The following RNF150 variants were observed in gnomAD, a reference collection of about 807,000 sequenced individuals.
The protein encoded by RNF150 is ring finger protein 150.
A neutral mutation model predicts 39.3 loss-of-function variants in RNF150; 24 were observed. The ratio of observed to expected loss-of-function variants is 0.61; its 90% CI spans 0.44 to 0.86. The LOEUF is 0.86. RNF150 is among the 40% of genes least tolerant of loss of function. The pLI is 0.00. For missense variants in RNF150, 502 were observed against 587.8 expected (o/e 0.85, Z 1.51); for synonymous variants, 255 against 227.3 (o/e 1.12, Z -1.10).
chr4:141,106,475 T>G (rs1199961407), intron 1 of RNF150, among the ~76,000 whole-genome samples: 1 of 152,148 alleles, frequency 6.6e-6, no homozygotes, highest in Non-Finnish European at 1.5e-5. Context: ...AACTTCAATT[T>G]CTTCATGTGT....
intron 6 of RNF150, among the ~76,000 whole-genome samples, chr4:140,890,214 C>T (rs1368272325): frequency 6.6e-6 from 1 of 152,090 alleles, no homozygotes; most frequent in Non-Finnish European, 1.5e-5. Context: ...AGAAAGCTTG[C>T]TATTTGTGTT....
chr4:140,899,258 T>C (rs1730082582), intron 6 of RNF150, among the ~76,000 whole-genome samples: 1 of 152,210 alleles, frequency 6.6e-6, no homozygotes, highest in Non-Finnish European at 1.5e-5. Flanking sequence ...AGTGTCACCA[T>C]AAGGAAATGT....
chr4:141,023,000 T>C (rs1471426139), intron 1 of RNF150, among the ~76,000 whole-genome samples: 2 of 152,170 alleles, frequency 1.3e-5, no homozygotes, highest in Admixed American at 1.3e-4. Flanking sequence ...CCTTAGTAGA[T>C]AAAGAATGAG....
intron 1 of RNF150, among the ~76,000 whole-genome samples, chr4:141,122,680 C>T (rs1026318481): frequency 1.3e-5 from 2 of 151,984 alleles, no homozygotes; most frequent in African/African-American, 4.8e-5. Flanking sequence ...CTTGGAAGAA[C>T]CAAGGAAATT....
chr4:141,055,768 G>T (rs1736942023), intron 1 of RNF150, among the ~76,000 whole-genome samples: 1 of 151,968 alleles, frequency 6.6e-6, no homozygotes, highest in Non-Finnish European at 1.5e-5. Context: ...AGAAAGGAAG[G>T]GAGGCAATAT....
intron 1 of RNF150, among the ~76,000 whole-genome samples, chr4:141,027,665 C>T (rs1735752206): frequency 1.3e-5 from 2 of 152,142 alleles, no homozygotes; most frequent in African/African-American, 4.8e-5. Flanking sequence ...CCTCTCTTTT[C>T]CTGTCTTCCA....
chr4:141,039,896 T>C (rs537545774), intron 1 of RNF150, among the ~76,000 whole-genome samples: 1 of 152,188 alleles, frequency 6.6e-6, no homozygotes, highest in East Asian at 1.9e-4. Flanking sequence ...CTACATGTAA[T>C]ATAGGAAGAA....
chr4:141,167,131 G>A (rs930624593), intron 1 of RNF150, among the ~76,000 whole-genome samples: 2 of 152,064 alleles, frequency 1.3e-5, no homozygotes, highest in African/African-American at 2.4e-5. Context: ...AAAATCAAAA[G>A]CATTCATATA....
At chr4:141,051,930 G>A (rs943125132) in intron 1 of RNF150, among the ~76,000 whole-genome samples, 8 of 152,126 alleles carry the variant, frequency 5.3e-5, no homozygotes, top group Admixed American at 2.0e-4. Context: ...AGGCTGGGAA[G>A]AAAAAGAGGT....
chr4:140,911,395 C>A (rs781475832), intron 5 of RNF150, 41 bp from the exon 6 acceptor site: 2 of 1,541,470 alleles, frequency 1.3e-6, no homozygotes, highest in Admixed American at 3.4e-5. Context: ...TACATGTCAT[C>A]CACTTAGAGA....
intron 1 of RNF150, among the ~76,000 whole-genome samples, chr4:141,129,240 A>G (rs1445154720): frequency 6.6e-6 from 1 of 152,262 alleles, no homozygotes; most frequent in African/African-American, 2.4e-5. Flanking sequence ...ATAAATACAC[A>G]AAATGTGATA....
intron 6 of RNF150, among the ~76,000 whole-genome samples, chr4:140,872,398 A>C (rs527806619): frequency 6.6e-6 from 1 of 152,324 alleles, no homozygotes; most frequent in Admixed American, 6.5e-5. Flanking sequence ...ACATAGTAGG[A>C]TCATATCTGT....
intron 1 of RNF150, among the ~76,000 whole-genome samples, chr4:140,996,237 GC>G (rs1648176272): frequency 1.3e-5 from 2 of 152,096 alleles, no homozygotes; most frequent in South Asian, 4.2e-4. Context: ...ATGATGTTGA[GC>G]ATTTTATCAT....
chr4:141,049,837 T>C (rs1736711668), intron 1 of RNF150, among the ~76,000 whole-genome samples: 1 of 152,090 alleles, frequency 6.6e-6, no homozygotes, highest in Non-Finnish European at 1.5e-5. Flanking sequence ...CCAAGTATAT[T>C]AGAGCATACT....
intron 1 of RNF150, among the ~76,000 whole-genome samples, chr4:141,079,049 CAGA>C (rs1364112670): frequency 6.6e-6 from 1 of 151,908 alleles, no homozygotes; most frequent in African/African-American, 2.4e-5. Flanking sequence ...GTGCTATTTA[CAGA>C]AGAACTATAT....
chr4:140,947,855 G>T, intron 3 of RNF150, 119 bp from the exon 4 acceptor site: 1 of 598,302 alleles, frequency 1.7e-6, no homozygotes, highest in Non-Finnish European at 2.9e-6. Context: ...GCTGGTGCCA[G>T]TTTTTAAATC....
intron 1 of RNF150, among the ~76,000 whole-genome samples, chr4:140,985,283 C>A (rs1452513829): frequency 6.6e-6 from 1 of 152,130 alleles, no homozygotes; most frequent in Non-Finnish European, 1.5e-5. Flanking sequence ...GTTCTAGAAT[C>A]TTTTCTTTAA....
intron 1 of RNF150, among the ~76,000 whole-genome samples, chr4:141,210,000 A>G (rs1002710268): frequency 6.6e-6 from 1 of 152,076 alleles, no homozygotes; most frequent in Non-Finnish European, 1.5e-5. Context: ...AGAAATTCAA[A>G]TAAGATATAA....
At chr4:140,952,656 T>G (rs1448758957) in intron 2 of RNF150, among the ~76,000 whole-genome samples, 1 of 152,206 alleles carries the variant, frequency 6.6e-6, no homozygotes, top group Non-Finnish European at 1.5e-5. Flanking sequence ...GGATTTTGGC[T>G]AACAGTAAAG....
Sources: gnomAD v4.1 joint callset for allele counts (sites outside exome capture counted in the v4.1 genomes callset) on GRCh38, gnomAD v4.1.1 for gene constraint, MANE v1.5 for transcripts, NCBI Gene and HGNC (gene_info 2026-07-23, HGNC 2026-07-21) for gene names.